Variants in MCU observed in about 807,000 individuals in gnomAD.
MCU encodes calcium uniporter protein, mitochondrial.
A neutral mutation model predicts 45.2 loss-of-function variants in MCU; 12 were observed. The ratio of observed to expected loss-of-function variants is 0.27; its 90% confidence interval spans 0.17 to 0.43. The LOEUF (loss-of-function observed/expected upper bound fraction) is 0.43, where lower values mean the gene tolerates loss of function less well. Among genes scored for constraint, MCU ranks in the 20% least tolerant of loss-of-function variants. The probability of loss-of-function intolerance (pLI) is 1.00; values close to 1 mark genes in which losing one functional copy is unlikely to be tolerated. For missense variants in MCU, 324 were observed against 436.7 expected (o/e 0.74, Z 2.30); for synonymous variants, 160 against 165.1 (o/e 0.97, Z 0.24).
intron 1 of MCU, among the ~76,000 whole-genome samples, chr10:72,696,765 A>G (rs1400342950): frequency 6.6e-6 from 1 of 152,068 alleles, no homozygotes; most frequent in Non-Finnish European, 1.5e-5. Flanking sequence ...TCTGCTTGCT[A>G]GGGAAAAGAT....
Position 72,768,322 on chromosome 10 carries a change from A to G in MCU, c.151-66037A>G, listed in dbSNP as rs554700305. On this transcript the variant is annotated intron_variant, in intron 1 of 7. Transcript: ENST00000373053. The stretch of plus-strand genomic sequence containing the variant: ...GAGATAGACATATGGTTTGTAGTCA[A>G]TAAGATTCTGAAGAACTACACAAAG... Among the ~76,000 whole-genome samples the G allele has an allele frequency of 7.2e-5, 11 of 152,310 alleles. No homozygotes were observed. In the South Asian group the frequency reaches 1.0e-3, roughly 14 times the overall value.
At chr10:72,847,162 A>G (rs1449937516) in intron 2 of MCU, among the ~76,000 whole-genome samples, 1 of 152,066 alleles carries the variant, frequency 6.6e-6, no homozygotes, top group Non-Finnish European at 1.5e-5. Flanking sequence ...TTCACTAGAG[A>G]CGGAGTTTTG....
At position 72,732,638 on chromosome 10, in the gene MCU, C is replaced by T. The variant is rs190354095; in HGVS notation, c.150+40337C>T. Reference sequence around the variant, plus strand: ...CTTCTGAGTGTGTCAAACAACTGCCCTTGGTTTCTGGTATGCTCCTTAAGC... The same window carrying T: ...CTTCTGAGTGTGTCAAACAACTGCCTTTGGTTTCTGGTATGCTCCTTAAGC... On this transcript the variant is annotated intron_variant, in intron 1 of 7. Transcript: ENST00000373053. 2.6e-5 allele frequency among the ~76,000 whole-genome samples: 4 copies of T among 152,262 alleles called. No individual in the cohort carries two copies. In the East Asian group the frequency reaches 5.8e-4, roughly 22 times the overall value.
chr10:72,838,131 G>A (rs576278989), intron 2 of MCU, among the ~76,000 whole-genome samples: 1 of 152,162 alleles, frequency 6.6e-6, no homozygotes, highest in South Asian at 2.1e-4. Flanking sequence ...AAAGTGTTGG[G>A]ATTACAGGTG....
At chr10:72,801,352 T>G (rs532871483) in intron 1 of MCU, among the ~76,000 whole-genome samples, 2 of 147,974 alleles carry the variant, frequency 1.4e-5, no homozygotes, top group Admixed American at 1.3e-4. Context: ...CATAATGCTT[T>G]CTTTTTTTTT....
At chr10:72,731,113 C>G (rs1843167272) in intron 1 of MCU, 1 of 151,956 alleles carries the variant, frequency 6.6e-6, no homozygotes. Context: ...ATTTTTAATT[C>G]TTCTTAGTAG....
intron 1 of MCU, among the ~76,000 whole-genome samples, chr10:72,750,271 C>T (rs540425786): frequency 4.3e-4 from 66 of 152,234 alleles, no homozygotes; most frequent in African/African-American, 1.4e-3. Flanking sequence ...ATTTAACAGA[C>T]GAACAGTTTC....
rs535513345 is a variant in MCU, at chr10:72,784,915, G to A, written c.151-49444G>A. On this transcript the variant is annotated intron_variant, in intron 1 of 7. Transcript: ENST00000373053. The stretch of plus-strand genomic sequence containing the variant: ...TGGAGTGAGGAGCAAAACACACATG[G>A]ATAATGATTTTAAAGCACCAGTCAA... Among the ~76,000 whole-genome samples the A allele has an allele frequency of 7.2e-5, 11 of 152,260 alleles. No individual in the cohort carries two copies. In the South Asian group the frequency reaches 2.1e-3, roughly 29 times the overall value.
At chr10:72,785,094 A>T (rs753882162) in intron 1 of MCU, among the ~76,000 whole-genome samples, 4 of 152,146 alleles carry the variant, frequency 2.6e-5, no homozygotes, top group African/African-American at 4.8e-5. Context: ...TAGCATACAG[A>T]TGCAGTTTCA....
chr10:72,826,272 G>T (rs1844797537), intron 1 of MCU, among the ~76,000 whole-genome samples: 1 of 151,950 alleles, frequency 6.6e-6, no homozygotes, highest in African/African-American at 2.4e-5. Context: ...AACAAACACA[G>T]ATTTCTCAGG....
intron 1 of MCU, among the ~76,000 whole-genome samples, chr10:72,760,069 G>T (rs1418255010): frequency 2.7e-5 from 4 of 150,126 alleles, no homozygotes; most frequent in African/African-American, 7.4e-5. Context: ...TTTTGAGACA[G>T]AGTCTAGCTC....
At chr10:72,853,717 G>A (rs1845243934) in intron 2 of MCU, among the ~76,000 whole-genome samples, 1 of 152,154 alleles carries the variant, frequency 6.6e-6, no homozygotes, top group Admixed American at 6.5e-5. Context: ...AAAGGAAAAT[G>A]TTGAAAAGCA....
intron 1 of MCU, among the ~76,000 whole-genome samples, chr10:72,797,561 G>T (rs1480113005): frequency 3.7e-5 from 5 of 134,606 alleles, no homozygotes; most frequent in African/African-American, 1.4e-4. Context: ...TTGAGATGGA[G>T]TCTCACTCTG....
At chr10:72,695,684 G>A (rs1842676758) in intron 1 of MCU, among the ~76,000 whole-genome samples, 1 of 150,994 alleles carries the variant, frequency 6.6e-6, no homozygotes, top group South Asian at 2.1e-4. Flanking sequence ...TTGTGGTTAT[G>A]AACAGACCAA....
At chr10:72,780,380 A>G (rs1843971045) in intron 1 of MCU, among the ~76,000 whole-genome samples, 1 of 152,174 alleles carries the variant, frequency 6.6e-6, no homozygotes, top group Non-Finnish European at 1.5e-5. Context: ...TTAATTGTAC[A>G]TTTTAAAAGG....
intron 1 of MCU, among the ~76,000 whole-genome samples, chr10:72,759,097 C>T (rs186019009): frequency 7.2e-4 from 110 of 152,152 alleles, no homozygotes; most frequent in Non-Finnish European, 3.7e-4. Flanking sequence ...TGTAGCAGGA[C>T]GAGCCGCAGA....
chr10:72,745,263 T>C (rs963353042), intron 1 of MCU, among the ~76,000 whole-genome samples: 5 of 152,164 alleles, frequency 3.3e-5, no homozygotes, highest in African/African-American at 1.2e-4. Context: ...AGTTTCACTC[T>C]TGTTGCCCAA....
intron 7 of MCU, among the ~76,000 whole-genome samples, chr10:72,884,758 G>A (rs1471122273): frequency 6.6e-6 from 1 of 151,644 alleles, no homozygotes; most frequent in Non-Finnish European, 1.5e-5. Flanking sequence ...AAAATGTGTG[G>A]TAGCAGTGGG....
At chr10:72,876,632 T>G (rs1025295069) in intron 6 of MCU, among the ~76,000 whole-genome samples, 1 of 152,176 alleles carries the variant, frequency 6.6e-6, no homozygotes, top group Non-Finnish European at 1.5e-5. Context: ...ACCCTTAACC[T>G]TCTCCTAGAA....
Sources: allele counts gnomAD v4.1 joint callset (sites outside exome capture counted in the v4.1 genomes callset), GRCh38; gene constraint gnomAD v4.1.1; transcripts MANE v1.5; gene names NCBI Gene and HGNC (gene_info 2026-07-23, HGNC 2026-07-21).